CDH17: variants seen among roughly 807,000 people sequenced by gnomAD.
CDH17 encodes the protein cadherin-17.
CDH17 carries 67 observed loss-of-function variants against 86.3 expected under a neutral mutation model. That is an observed-to-expected ratio of 0.78 (90% CI 0.64 to 0.95). The LOEUF (loss-of-function observed/expected upper bound fraction) is 0.95. CDH17 is among the 40% of genes least tolerant of loss of function. CDH17 has a pLI of 0.00. For synonymous variants in CDH17, 367 were observed against 366.4 expected, an observed-to-expected ratio of 1.00 and a Z score of -0.02; for missense variants, 993 against 1,017.6, an observed-to-expected ratio of 0.98 and a Z score of 0.33.
chr8:94,155,237 A>G (rs1329963538), intron 12 of CDH17, among the ~76,000 whole-genome samples: 1 of 151,878 alleles, frequency 6.6e-6, no homozygotes, highest in Non-Finnish European at 1.5e-5. Flanking sequence ...TCCACGGTTC[A>G]ATTAGGGCTT....
At chr8:94,150,301 G>A (rs1472252596) in intron 13 of CDH17, among the ~76,000 whole-genome samples, 1 of 152,112 alleles carries the variant, frequency 6.6e-6, no homozygotes, top group African/African-American at 2.4e-5. Context: ...GAGTGGGGTG[G>A]GGGACGGCAG....
At chr8:94,176,095 C>G (rs935921687) in intron 5 of CDH17, among the ~76,000 whole-genome samples, 4 of 151,996 alleles carry the variant, frequency 2.6e-5, no homozygotes, top group Non-Finnish European at 5.9e-5. Flanking sequence ...CTTTGTTGCC[C>G]AGGCTGGTCT....
In CDH17 at chr8:94,173,858, G is replaced by A. The variant is rs1363421884; in HGVS notation, c.722C>T (p.Ala241Val). ...DIIVTENIWK[A>V]PKPVEMVENS... Reference sequence around the variant, plus strand: ...TTCCACCATCTCCACAGGTTTTGGTGCTTTCCAAATATTCTCTGTCACTAT... The same window carrying A: ...TTCCACCATCTCCACAGGTTTTGGTACTTTCCAAATATTCTCTGTCACTAT... The change falls in exon 7 of 18, where the codon GCA (alanine) becomes GTA (valine). Residue 241 changes from alanine (A) to valine (V), a missense_variant. Coordinates refer to ENST00000027335, the MANE Select transcript of CDH17 (RefSeq NM_004063.4). The A allele has an allele frequency of 3.7e-6, 6 of 1,613,766 alleles. No homozygotes were observed. The Admixed American group carries it at 1.0e-4, about 27-fold the overall frequency.
chr8:94,215,475 C>T (rs1458355971), intron 1 of CDH17, among the ~76,000 whole-genome samples: 2 of 152,030 alleles, frequency 1.3e-5, no homozygotes, highest in Non-Finnish European at 2.9e-5. Flanking sequence ...TTCGGAGTTG[C>T]CTGCAGTTGG....
chr8:94,134,071 G>C (rs1812473101), intron 15 of CDH17, among the ~76,000 whole-genome samples: 1 of 152,172 alleles, frequency 6.6e-6, no homozygotes, highest in Admixed American at 6.5e-5. Context: ...ATTTTACTGA[G>C]GATTTTCACA....
chr8:94,188,145 T>G (rs1813617562), intron 3 of CDH17, among the ~76,000 whole-genome samples: 4 of 152,258 alleles, frequency 2.6e-5, no homozygotes, highest in Middle Eastern at 6.8e-3. Context: ...TGAAGGCCCT[T>G]ATATAAAGTG....
intron 17 of CDH17, among the ~76,000 whole-genome samples, chr8:94,129,958 G>GA (rs1812377584): frequency 2.0e-5 from 3 of 152,208 alleles, no homozygotes; most frequent in South Asian, 2.1e-4. Flanking sequence ...CAAAAATCTG[G>GA]AAAAAACCCA....
chr8:94,135,122 G>A (rs1812496339), intron 15 of CDH17, among the ~76,000 whole-genome samples: 1 of 152,138 alleles, frequency 6.6e-6, no homozygotes, highest in Non-Finnish European at 1.5e-5. Context: ...GCACTGAGAA[G>A]AATGTATATT....
exon 1 of CDH17, chr8:94,217,230 G>A (rs867406287): frequency 4.6e-5 from 7 of 152,236 alleles, no homozygotes; most frequent in African/African-American, 1.7e-4. Context: ...AAGCGGGGGT[G>A]GGGGGACTCA....
intron 3 of CDH17, among the ~76,000 whole-genome samples, chr8:94,186,173 C>A (rs181011655): frequency 3.9e-4 from 60 of 152,222 alleles, no homozygotes; most frequent in Admixed American, 2.2e-3. Context: ...GAGACCTCTC[C>A]ACCTGGCTGC....
At chr8:94,169,376 C>T (rs1813224735) in intron 9 of CDH17, among the ~76,000 whole-genome samples, 1 of 152,126 alleles carries the variant, frequency 6.6e-6, no homozygotes, top group African/African-American at 2.4e-5. Context: ...ACAGAACACA[C>T]TGACAAAAGG....
At chr8:94,198,524 G>A (rs1813829826) in intron 1 of CDH17, among the ~76,000 whole-genome samples, 1 of 152,164 alleles carries the variant, frequency 6.6e-6, no homozygotes, top group African/African-American at 2.4e-5. Flanking sequence ...CTATCAACCT[G>A]TATTTGCTTA....
intron 1 of CDH17, among the ~76,000 whole-genome samples, chr8:94,214,357 A>G (rs1170106660): frequency 2.0e-5 from 3 of 152,222 alleles, no homozygotes; most frequent in African/African-American, 7.2e-5. Flanking sequence ...CTCATTAGAC[A>G]CCAAAACAGG....
intron 3 of CDH17, among the ~76,000 whole-genome samples, chr8:94,183,761 A>G (rs1215022825): frequency 6.6e-6 from 1 of 152,142 alleles, no homozygotes. Context: ...CCACCAAGAA[A>G]GTGAAAAGAT....
chr8:94,198,247 C>T (rs1813825760), intron 1 of CDH17, among the ~76,000 whole-genome samples: 1 of 152,134 alleles, frequency 6.6e-6, no homozygotes, highest in African/African-American at 2.4e-5. Flanking sequence ...CTTCAGGACT[C>T]CAAGATTCAT....
chr8:94,179,700 C>A (rs532223610), intron 3 of CDH17, among the ~76,000 whole-genome samples: 18 of 152,316 alleles, frequency 1.2e-4, no homozygotes, highest in African/African-American at 3.8e-4. Context: ...TGGCTTAAGG[C>A]ATTTAAGGAA....
chr8:94,143,993 A>T (rs1424992886), intron 15 of CDH17, among the ~76,000 whole-genome samples: 2 of 152,226 alleles, frequency 1.3e-5, no homozygotes, highest in African/African-American at 2.4e-5. Flanking sequence ...TAAGCATTTC[A>T]TGCAAGAGGC....
chr8:94,146,087 C>A lies in CDH17; in HGVS notation c.2008G>T (p.Asp670Tyr), dbSNP rs1216571434. The A allele has an allele frequency of 1.2e-6, 2 of 1,613,038 alleles. No individual in the cohort carries two copies. Among genetic ancestry groups the A allele is most frequent in the African/African-American group, 1.3e-5 (1 of 74,928 alleles). ...TGGCAGAAGAACAAGCCCGTGTAGT[C>A]CTTGGCTAGCCTGGGAGGGTTGTCA... ...VNDNPPRLAK[D>Y]YTGLFFCHPL... The change falls in exon 15 of 18, where the codon GAC becomes TAC. Residue 670 changes from aspartate (D) to tyrosine (Y), a missense_variant. Asp to Tyr is a radical substitution (Grantham distance 160). Transcript: ENST00000027335.
In CDH17 at chr8:94,170,462, T is replaced by C. The variant is rs1813246529; in HGVS notation, c.1001A>G (p.Asn334Ser). ...TGACGGACATGTAGGTGGATTATCA[T>C]TAATATCTTTAACTTTTACATGAAT... ...LEIHVKVKDI[N>S]DNPPTCPSPV... The change falls in exon 9 of 18, where the codon AAT (asparagine) becomes AGT (serine). Residue 334 changes from asparagine (N) to serine (S), a missense_variant. Coordinates refer to ENST00000027335, the MANE Select transcript of CDH17 (RefSeq NM_004063.4). 1 of 1,613,796 alleles carries C rather than the reference T, an allele frequency of 6.2e-7. No homozygotes were observed. The highest frequency in any genetic ancestry group is 1.1e-5 in the South Asian group (1 of 91,066).
Sources: allele counts gnomAD v4.1 joint callset (sites outside exome capture counted in the v4.1 genomes callset), GRCh38; gene constraint gnomAD v4.1.1; transcripts MANE v1.5; gene names NCBI Gene and HGNC (gene_info 2026-07-23, HGNC 2026-07-21).